Variants in BRINP2 observed in about 807,000 individuals in gnomAD.
The protein encoded by BRINP2 is BMP/retinoic acid inducible neural specific 2.
In BRINP2, 21 loss-of-function variants were observed where a neutral mutation model predicts 69.2. That is an observed-to-expected ratio of 0.30 (90% CI 0.22 to 0.44). The LOEUF (loss-of-function observed/expected upper bound fraction) is 0.44. BRINP2 is among the 20% of genes least tolerant of loss of function. BRINP2 has a pLI of 1.00. For missense variants in BRINP2, 877 were observed against 986.0 expected (o/e 0.89, Z 1.48); for synonymous variants, 380 against 394.1 (o/e 0.96, Z 0.42).
chr1:177,260,563 A>G (rs1289400637), intron 4 of BRINP2, among the ~76,000 whole-genome samples: 1 of 152,128 alleles, frequency 6.6e-6, no homozygotes, highest in African/African-American at 2.4e-5. Flanking sequence ...GATGCAGCAA[A>G]CTTCATTGTT....
intron 1 of BRINP2, among the ~76,000 whole-genome samples, chr1:177,227,404 G>A (rs1649729375): frequency 6.6e-6 from 1 of 152,190 alleles, no homozygotes; most frequent in Admixed American, 6.5e-5. Flanking sequence ...AGAATTTCAG[G>A]TAATGTAATG....
intron 2 of BRINP2, among the ~76,000 whole-genome samples, chr1:177,255,099 A>C (rs1650712867): frequency 1.3e-5 from 2 of 152,214 alleles, no homozygotes; most frequent in South Asian, 4.1e-4. Flanking sequence ...CCTTTAAGAA[A>C]CTACCATCTG....
At chr1:177,173,661 G>A (rs1253388562) in intron 1 of BRINP2, among the ~76,000 whole-genome samples, 2 of 152,136 alleles carry the variant, frequency 1.3e-5, no homozygotes, top group Non-Finnish European at 2.9e-5. Context: ...CTCCTTTCTG[G>A]CCTCCTGACA....
intron 1 of BRINP2, among the ~76,000 whole-genome samples, chr1:177,219,726 G>T (rs1558164143): frequency 6.6e-6 from 1 of 152,232 alleles, no homozygotes; most frequent in Non-Finnish European, 1.5e-5. Context: ...CCAAGAGCAA[G>T]AGTAACATTG....
rs1002444833 is a variant in BRINP2 at position 177,281,577 on chromosome 1, G to A, written c.*49G>A. The stretch of plus-strand genomic sequence containing the variant: ...GCAAGGAGGGGATCCATGAATCTGG[G>A]GTACAAAGATAATCTAAGCCCTCAC... On this transcript the variant is annotated 3_prime_UTR_variant, in exon 8 of 8. Transcript: ENST00000361539. 2.0e-6 allele frequency: 3 copies of A among 1,530,626 alleles called. No individual in the cohort carries two copies. The highest frequency in any genetic ancestry group is 1.7e-6 in the Non-Finnish European group (2 of 1,146,862). 94.8% of individuals were successfully genotyped at this position (1,530,626 alleles called of 1,614,324 possible).
At chr1:177,254,721 T>C (rs1463804891) in intron 2 of BRINP2, among the ~76,000 whole-genome samples, 1 of 152,140 alleles carries the variant, frequency 6.6e-6, no homozygotes, top group Non-Finnish European at 1.5e-5. Flanking sequence ...AGCCAGACTC[T>C]GCAAGGAAAA....
chr1:177,256,071 A>G lies in BRINP2; in HGVS notation c.422A>G (p.Lys141Arg). ...CAGGTTACAGAAAATCTGATTAAAA[A>G]GTACGGCACTCATTTCTTACTTTCT... ...LQQVTENLIK[K>R]YGTHFLLSAT... The change falls in exon 3 of 8, where the codon AAG (lysine) becomes AGG (arginine). Residue 141 changes from lysine to arginine, a missense_variant. Lys to Arg is a conservative substitution (Grantham distance 26, BLOSUM62 2). Coordinates refer to ENST00000361539, the MANE Select transcript of BRINP2 (RefSeq NM_021165.4). 1 of 1,614,242 alleles carries G rather than the reference A, an allele frequency of 6.2e-7. No homozygotes were observed. Among genetic ancestry groups the G allele is most frequent in the Non-Finnish European group, 8.5e-7 (1 of 1,180,040 alleles).
In BRINP2 at chr1:177,278,799, G is replaced by A. The variant is rs372582257; in HGVS notation, c.1235+14G>A. On this transcript the variant is annotated intron_variant, in intron 7 of 7. Transcript: ENST00000361539. ...GCCCAAGGAGAGGTGAGCACCCCCT[G>A]GCTGCTACAGCCAGAGCTCAGCACC... 9.3e-6 allele frequency: 15 copies of A among 1,612,854 alleles called. No individual in the cohort carries two copies. Among genetic ancestry groups the A allele is most frequent in the Middle Eastern group, 1.8e-4 (1 of 5,586 alleles).
At chr1:177,182,090 A>T (rs74518646) in intron 1 of BRINP2, among the ~76,000 whole-genome samples, 1 of 150,946 alleles carries the variant, frequency 6.6e-6, no homozygotes, top group African/African-American at 2.5e-5. Context: ...AACTAAGCTG[A>T]TTAGTCCTGG....
chr1:177,251,600 A>G (rs1650584187), intron 2 of BRINP2, among the ~76,000 whole-genome samples: 1 of 152,168 alleles, frequency 6.6e-6, no homozygotes, highest in Non-Finnish European at 1.5e-5. Context: ...TGTTAATAGC[A>G]TAGAAGGAGG....
At chr1:177,210,285 CAG>C (rs1334250632) in intron 1 of BRINP2, among the ~76,000 whole-genome samples, 1 of 152,140 alleles carries the variant, frequency 6.6e-6, no homozygotes. Flanking sequence ...AGTTCCAGAG[CAG>C]AGACAGCCAT....
At chr1:177,259,030 G>A (rs1177878144) in intron 4 of BRINP2, among the ~76,000 whole-genome samples, 1 of 152,198 alleles carries the variant, frequency 6.6e-6, no homozygotes, top group African/African-American at 2.4e-5. Context: ...GGCATAGTGA[G>A]GAAGGCATGT....
chr1:177,226,420 C>T (rs1159647719), intron 1 of BRINP2, among the ~76,000 whole-genome samples: 1 of 152,192 alleles, frequency 6.6e-6, no homozygotes, highest in Non-Finnish European at 1.5e-5. Context: ...AAGAAATTGC[C>T]ACACTGGCTT....
intron 4 of BRINP2, among the ~76,000 whole-genome samples, chr1:177,271,202 C>T (rs1429865709): frequency 6.6e-6 from 1 of 152,182 alleles, no homozygotes; most frequent in African/African-American, 2.4e-5. Context: ...AAATCTTATC[C>T]TTGCAGGTGA....
At chr1:177,224,548 T>A (rs1649637003) in intron 1 of BRINP2, among the ~76,000 whole-genome samples, 1 of 151,962 alleles carries the variant, frequency 6.6e-6, no homozygotes, top group African/African-American at 2.4e-5. Context: ...CAGAGGGAAG[T>A]GACTTGCCTG....
At chr1:177,185,954 T>C (rs959435280) in intron 1 of BRINP2, among the ~76,000 whole-genome samples, 8 of 152,218 alleles carry the variant, frequency 5.3e-5, no homozygotes, top group Non-Finnish European at 8.8e-5. Context: ...CCTGTGATCA[T>C]TGCCCTTTAT....
At chr1:177,193,437 AT>A (rs1045350032) in intron 1 of BRINP2, among the ~76,000 whole-genome samples, 40 of 152,320 alleles carry the variant, frequency 2.6e-4, no homozygotes, top group African/African-American at 8.9e-4. Flanking sequence ...TGTTAATGGC[AT>A]TTATAGGATC....
intron 1 of BRINP2, among the ~76,000 whole-genome samples, chr1:177,177,024 T>A (rs1450659540): frequency 6.6e-6 from 1 of 152,202 alleles, no homozygotes; most frequent in Non-Finnish European, 1.5e-5. Flanking sequence ...CTCTACCACA[T>A]TATGATCATT....
intron 1 of BRINP2, among the ~76,000 whole-genome samples, chr1:177,226,203 C>G (rs1467762659): frequency 1.3e-5 from 2 of 152,196 alleles, no homozygotes; most frequent in African/African-American, 4.8e-5. Context: ...CACAGGAGAT[C>G]AGTGCACCAA....
Sources: allele counts gnomAD v4.1 joint callset (sites outside exome capture counted in the v4.1 genomes callset), GRCh38; gene constraint gnomAD v4.1.1; transcripts MANE v1.5; gene names NCBI Gene and HGNC (gene_info 2026-07-23, HGNC 2026-07-21).